Variants in BIRC6 observed in about 807,000 individuals in gnomAD.
BIRC6 encodes baculoviral IAP repeat containing 6.
Under a neutral mutation model 503.3 loss-of-function variants are expected in BIRC6, and 98 were observed. That is an observed-to-expected ratio of 0.19 (90% confidence interval 0.17 to 0.23). BIRC6 has a LOEUF of 0.23. BIRC6 is among the 10% of genes least tolerant of loss of function. The pLI, the probability that BIRC6 is intolerant of heterozygous loss-of-function variation, is 1.00. For missense variants in BIRC6, 5,360 were observed against 5,806.0 expected, an observed-to-expected ratio of 0.92 and a Z score of 2.50; for synonymous variants, 2,240 against 2,078.7, an observed-to-expected ratio of 1.08 and a Z score of -2.11.
Position 32,471,102 on chromosome 2 carries a change from A to G in BIRC6, c.6570A>G (p.Ala2190=), listed in dbSNP as rs112099572. ...DYVATVEDEA[A]AAKKPLNGNQ... ...TGGCAACTGTTGAAGATGAAGCAGCAGCTGCAAAGAAACCTTTGAATGGTA... is the reference window on the plus strand; with the variant it reads ...TGGCAACTGTTGAAGATGAAGCAGCGGCTGCAAAGAAACCTTTGAATGGTA... Residue 2190 remains alanine, a synonymous_variant, in exon 32 of 74, where the codon GCA becomes GCG. Coordinates refer to ENST00000421745, the MANE Select transcript of BIRC6 (RefSeq NM_016252.4). 6.3e-7 allele frequency: 1 copy of G among 1,575,032 alleles called. No individual in the cohort carries two copies. Among genetic ancestry groups the G allele is most frequent in the Non-Finnish European group, 8.6e-7 (1 of 1,158,102 alleles).
intron 65 of BIRC6, among the ~76,000 whole-genome samples, chr2:32,573,835 TTCA>T (rs2060078006): frequency 6.6e-6 from 1 of 152,176 alleles, no homozygotes; most frequent in African/African-American, 2.4e-5. Flanking sequence ...ATAAAATAAC[TTCA>T]TCATTCAATT....
chr2:32,574,016 A>G (rs2060089248), intron 65 of BIRC6, among the ~76,000 whole-genome samples: 1 of 151,996 alleles, frequency 6.6e-6, no homozygotes, highest in South Asian at 2.1e-4. Context: ...AAAAGTGCCT[A>G]TTATTATAGT....
chr2:32,430,483 A>T (rs1453499722), intron 11 of BIRC6, among the ~76,000 whole-genome samples: 4 of 152,110 alleles, frequency 2.6e-5, no homozygotes, highest in Non-Finnish European at 5.9e-5. Flanking sequence ...TTATTTTTTA[A>T]AAAATAGGGT....
At chr2:32,440,748 T>G (rs1397943572) in intron 16 of BIRC6, among the ~76,000 whole-genome samples, 1 of 133,352 alleles carries the variant, frequency 7.5e-6, no homozygotes, top group Non-Finnish European at 1.7e-5. Context: ...TTGTGTTTAT[T>G]TATTTATTAT....
At chr2:32,543,137 C>T (rs890920139) in intron 61 of BIRC6, 104 bp from the exon 62 acceptor site, 5 of 1,253,386 alleles carry the variant, frequency 4.0e-6, no homozygotes, top group Non-Finnish European at 4.3e-6. Context: ...TTTATTAATC[C>T]TTATAATCCT....
intron 65 of BIRC6, among the ~76,000 whole-genome samples, chr2:32,556,362 C>G (rs1001839220): frequency 6.6e-6 from 1 of 152,198 alleles, no homozygotes; most frequent in Non-Finnish European, 1.5e-5. Context: ...TCAGACACTT[C>G]AGGGATACCA....
intron 23 of BIRC6, among the ~76,000 whole-genome samples, chr2:32,460,171 T>A (rs568153528): frequency 7.0e-6 from 1 of 142,240 alleles, no homozygotes; most frequent in Non-Finnish European, 1.5e-5. Flanking sequence ...ATATCTGATA[T>A]AGATATATAT....
chr2:32,414,147 T>C (rs1294318264), intron 9 of BIRC6, among the ~76,000 whole-genome samples: 1 of 151,426 alleles, frequency 6.6e-6, no homozygotes, highest in Admixed American at 6.6e-5. Context: ...CAAAATTAGC[T>C]GGGTATGGTG....
chr2:32,459,997 TGTC>T (rs1285220416), intron 23 of BIRC6, among the ~76,000 whole-genome samples: 13 of 150,716 alleles, frequency 8.6e-5, no homozygotes, highest in Admixed American at 3.3e-4. Context: ...GCAATCATGT[TGTC>T]TATTAATAGT....
intron 59 of BIRC6, chr2:32,527,664 T>A (rs2056385884): frequency 6.6e-6 from 1 of 152,480 alleles, no homozygotes; most frequent in Non-Finnish European, 1.5e-5. Flanking sequence ...GGATTCTGTA[T>A]GTCAAGTGAA....
chr2:32,536,381 C>T (rs1363203844), intron 61 of BIRC6, among the ~76,000 whole-genome samples: 1 of 152,170 alleles, frequency 6.6e-6, no homozygotes, highest in Non-Finnish European at 1.5e-5. Context: ...CGTCCTTGCC[C>T]ATGCCTATGT....
At chr2:32,475,159 TA>T (rs11394641) in intron 33 of BIRC6, among the ~76,000 whole-genome samples, 26,811 of 113,954 alleles carry the variant, frequency 0.24, 3,317 homozygotes, top group Non-Finnish European at 0.3. Flanking sequence ...AAGACTATCT[TA>T]AAAAAAAAAA....
chr2:32,522,311 C>T (rs1484377610), intron 57 of BIRC6: 2 of 151,680 alleles, frequency 1.3e-5, no homozygotes, highest in African/African-American at 2.4e-5. Context: ...TTTTGGGGTG[C>T]TGAATATTTT....
intron 53 of BIRC6, among the ~76,000 whole-genome samples, chr2:32,511,940 A>G (rs964135247): frequency 1.3e-5 from 2 of 152,318 alleles, no homozygotes; most frequent in Admixed American, 6.5e-5. Context: ...TATTTAAAAT[A>G]TCAGTGTTAA....
At chr2:32,434,872 A>G (rs1435828770) in intron 13 of BIRC6, among the ~76,000 whole-genome samples, 1 of 152,168 alleles carries the variant, frequency 6.6e-6, no homozygotes, top group Non-Finnish European at 1.5e-5. Flanking sequence ...ATAAATAAAT[A>G]GTATTTGCAT....
At chr2:32,389,030 G>C in intron 4 of BIRC6, 87 bp downstream of exon 4, 1 of 946,772 alleles carries the variant, frequency 1.1e-6, no homozygotes, top group Non-Finnish European at 1.4e-6. Flanking sequence ...ATCTGGTTAT[G>C]ATTTTTAAAA....
intron 66 of BIRC6, among the ~76,000 whole-genome samples, chr2:32,592,686 C>T (rs553213202): frequency 5.3e-5 from 8 of 152,122 alleles, no homozygotes; most frequent in African/African-American, 1.9e-4. Flanking sequence ...ACCTCCGCCT[C>T]CCAGGTTCAA....
chr2:32,598,912 C>CT (rs1007612246), intron 69 of BIRC6, among the ~76,000 whole-genome samples: 26 of 147,476 alleles, frequency 1.8e-4, no homozygotes, highest in African/African-American at 6.3e-4. Context: ...AATCCCAGTA[C>CT]TTGGCAGGCT....
chr2:32,533,003 T>C (rs531165399), intron 61 of BIRC6, among the ~76,000 whole-genome samples: 1 of 152,208 alleles, frequency 6.6e-6, no homozygotes, highest in East Asian at 1.9e-4. Context: ...TAGATTACCT[T>C]GAATAGATTG....
Sources: gnomAD v4.1 joint callset for allele counts (sites outside exome capture counted in the v4.1 genomes callset) on GRCh38, gnomAD v4.1.1 for gene constraint, MANE v1.5 for transcripts, NCBI Gene and HGNC (gene_info 2026-07-23, HGNC 2026-07-21) for gene names.